Variants in ZNF33A observed in about 807,000 individuals in gnomAD.
The protein encoded by ZNF33A is zinc finger protein 33A.
A neutral mutation model predicts 15.9 loss-of-function variants in ZNF33A; 9 were observed. The ratio of observed to expected loss-of-function variants is 0.57; its 90% CI spans 0.34 to 0.99. ZNF33A has a LOEUF of 0.99. Ranked by LOEUF, ZNF33A falls within the 50% of genes least tolerant of loss-of-function variation. The pLI, the probability that ZNF33A is intolerant of heterozygous loss-of-function variation, is 0.02. For synonymous variants in ZNF33A, 294 were observed against 324.2 expected (o/e 0.91, Z 1.00); for missense variants, 843 against 941.6 (o/e 0.90, Z 1.37).
At chr10:38,014,965 C>T (rs1442317664) in intron 2 of ZNF33A, among the ~76,000 whole-genome samples, 4 of 152,010 alleles carry the variant, frequency 2.6e-5, no homozygotes, top group Non-Finnish European at 5.9e-5. Context: ...CTCCACCTCC[C>T]GGGTTCAAGT....
rs1198189801 is a variant in ZNF33A, at chr10:38,039,683, T to TA, written c.251-14691dup. On this transcript the variant is annotated intron_variant, in intron 4 of 4. Transcript: ENST00000432900. The stretch of plus-strand genomic sequence containing the variant: ...ATAATTTGTTGGCATACATTGTTCA[T>TA]ACCATTCTTTGTAATTATTTTTATT... The TA allele has an allele frequency of 4.4e-5, 18 of 409,064 alleles. No individual in the cohort carries two copies. In the East Asian group the frequency reaches 1.3e-3, roughly 29 times the overall value. 25.3% of individuals were successfully genotyped at this position (409,064 alleles called of 1,614,324 possible).
At chr10:38,015,840 A>T in intron 2 of ZNF33A, 1 of 428,176 alleles carries the variant, frequency 2.3e-6, no homozygotes, top group Non-Finnish European at 3.9e-6. Context: ...GGTTTCTTCT[A>T]CAGTAGTTTA....
Position 38,056,192 on chromosome 10 carries a change from G to T in ZNF33A, c.2068G>T (p.Glu690Ter). 1 of 1,614,084 alleles carries T rather than the reference G, an allele frequency of 6.2e-7. No homozygotes were observed. Among genetic ancestry groups the T allele is most frequent in the African/African-American group, 1.3e-5 (1 of 75,036 alleles). Reference protein sequence around the residue: ...LIFHERKHTGEKPYECNECGK... With the variant: ...LIFHERKHTG ...TTTCCATGAGAGAAAGCACACGGGG[G>T]AGAAACCCTATGAATGCAATGAATG... Residue 690 changes from glutamate (E) to a stop codon, truncating the protein, a stop_gained, in exon 5 of 5, where the codon GAG (glutamate) becomes TAG (stop). Coordinates refer to ENST00000432900, the MANE Select transcript of ZNF33A (RefSeq NM_006954.2). LOFTEE classifies it low-confidence loss of function (END_TRUNC).
chr10:38,054,697 T>C lies in ZNF33A; in HGVS notation c.573T>C (p.Asn191=). Residue 191 remains asparagine (N), a synonymous_variant, in exon 5 of 5, where the codon AAT becomes AAC. Transcript: ENST00000432900. ...ATGAAACTCATACTCAAGAGAAAAA[T>C]GAAGTTTTGAAAAATAGGAACACAC... ...KHDETHTQEK[N]EVLKNRNTLS... is the part of the protein sequence containing the mutation. 3 of 1,613,682 alleles carry C rather than the reference T, an allele frequency of 1.9e-6. No individual in the cohort carries two copies. The highest frequency in any genetic ancestry group is 2.5e-6 in the Non-Finnish European group (3 of 1,179,928).
chr10:38,057,985 T>C lies in ZNF33A; in HGVS notation c.*1425T>C, dbSNP rs1317222961. On this transcript the variant is annotated 3_prime_UTR_variant, in exon 5 of 5. Coordinates refer to ENST00000432900, the MANE Select transcript of ZNF33A (RefSeq NM_006954.2). ...AATCAAGCTGGTGTGGGGCTTTTAT[T>C]GATAGTGTGAAGATTGTACACTATA... 1 of 985,268 alleles carries C rather than the reference T, an allele frequency of 1.0e-6. No individual in the cohort carries two copies. The highest frequency in any genetic ancestry group is 1.7e-5 in the African/African-American group (1 of 57,234). 61.0% of individuals were successfully genotyped at this position (985,268 alleles called of 1,614,324 possible).
intron 4 of ZNF33A, among the ~76,000 whole-genome samples, chr10:38,019,175 C>T (rs1392089483): frequency 6.6e-6 from 1 of 151,588 alleles, no homozygotes; most frequent in African/African-American, 2.4e-5. Flanking sequence ...GTGATGTTCC[C>T]CTTCCTGTGT....
At chr10:38,021,296 A>G (rs1030890666) in intron 4 of ZNF33A, among the ~76,000 whole-genome samples, 1 of 152,228 alleles carries the variant, frequency 6.6e-6, no homozygotes, top group African/African-American at 2.4e-5. Context: ...ATGATCCTAA[A>G]TGTGTCTCTA....
At chr10:38,038,332 C>T (rs1390907588) in intron 4 of ZNF33A, among the ~76,000 whole-genome samples, 1 of 152,056 alleles carries the variant, frequency 6.6e-6, no homozygotes, top group Non-Finnish European at 1.5e-5. Context: ...AACCTCCTGA[C>T]GTCAGGTGAT....
chr10:38,043,724 C>T (rs1486595129), intron 4 of ZNF33A: 1 of 152,088 alleles, frequency 6.6e-6, no homozygotes, highest in Non-Finnish European at 1.5e-5. Flanking sequence ...ATCCTGCCTC[C>T]TTCTGGCCTC....
chr10:38,053,615 A>T lies in ZNF33A; in HGVS notation c.251-760A>T, dbSNP rs367895363. On this transcript the variant is annotated intron_variant, in intron 4 of 4. Coordinates refer to ENST00000432900, the MANE Select transcript of ZNF33A (RefSeq NM_006954.2). ...ATAAGGAATGTCTTTAATAAGTCTTAATAAGACTTGAATTACAAGTCTTAT... is the reference window on the plus strand; with the variant it reads ...ATAAGGAATGTCTTTAATAAGTCTTTATAAGACTTGAATTACAAGTCTTAT... Among the ~76,000 whole-genome samples, 30 of 152,248 alleles carry T rather than the reference A, an allele frequency of 2.0e-4. No individual in the cohort carries two copies. The South Asian group carries it at 6.2e-3, about 32-fold the overall frequency.
chr10:38,014,891 C>T (rs1042286451), intron 2 of ZNF33A, among the ~76,000 whole-genome samples: 1 of 151,986 alleles, frequency 6.6e-6, no homozygotes, highest in African/African-American at 2.4e-5. Context: ...GAATTACTTA[C>T]CTTTTTTTTT....
At chr10:38,033,770 G>A (rs1222549505) in intron 4 of ZNF33A, among the ~76,000 whole-genome samples, 1 of 151,584 alleles carries the variant, frequency 6.6e-6, no homozygotes, top group Non-Finnish European at 1.5e-5. Flanking sequence ...CTGGAGTGCG[G>A]TGGTGGGATC....
chr10:38,010,596 TA>T (rs761546753), upstream of ZNF33A: 3 of 1,031,258 alleles, frequency 2.9e-6, no homozygotes, highest in Non-Finnish European at 4.5e-6. Flanking sequence ...ACGGGAAAGG[TA>T]GTTTCCAGGT....
chr10:38,017,673 TC>T (rs2064525994), intron 4 of ZNF33A: 1 of 233,664 alleles, frequency 4.3e-6, no homozygotes, highest in Non-Finnish European at 8.3e-6. Flanking sequence ...TTATCATTTT[TC>T]TCCAAGCACT....
At position 38,059,374 on chromosome 10, in the gene ZNF33A, AAAG is replaced by A. The variant is rs1352969608; in HGVS notation, c.*2817_*2819del. ...GCTATATAATGCAGTGTTAAAAAAA[AAAG>A]AAATAAAATGCACATAGATTTGAAA... On this transcript the variant is annotated 3_prime_UTR_variant, in exon 5 of 5. Coordinates refer to ENST00000432900, the MANE Select transcript of ZNF33A (RefSeq NM_006954.2). 2.6e-5 allele frequency: 4 copies of A among 152,380 alleles called. No homozygotes were observed. Among genetic ancestry groups the A allele is most frequent in the Admixed American group, 1.3e-4 (2 of 15,308 alleles). The allele number at this position is 152,380 out of a possible 1,614,324, so 9.4% of individuals were successfully genotyped here.
Position 38,054,733 on chromosome 10 carries a change from T to C in ZNF33A, c.609T>C (p.His203=). ...VLKNRNTLSH[H]EETLQHEKIQ... Reference sequence around the variant, plus strand: ...AAAATAGGAACACACTGAGTCATCATGAGGAGACTTTGCAGCATGAGAAGA... The same window carrying C: ...AAAATAGGAACACACTGAGTCATCACGAGGAGACTTTGCAGCATGAGAAGA... The change falls in exon 5 of 5, where the codon CAT becomes CAC. Residue 203 remains histidine (H), a synonymous_variant. Transcript: ENST00000432900. The C allele has an allele frequency of 6.2e-7, 1 of 1,613,800 alleles. No individual in the cohort carries two copies. The highest frequency in any genetic ancestry group is 1.1e-5 in the South Asian group (1 of 91,022).
chr10:38,043,676 CA>C (rs1288025899), intron 4 of ZNF33A, among the ~76,000 whole-genome samples: 169 of 147,398 alleles, frequency 1.1e-3, no homozygotes, highest in African/African-American at 3.8e-3. Flanking sequence ...TATTTCATTG[CA>C]AAAAAAAAAA....
intron 1 of ZNF33A, among the ~76,000 whole-genome samples, chr10:38,011,355 C>T (rs562535050): frequency 3.4e-4 from 52 of 152,228 alleles, no homozygotes; most frequent in Non-Finnish European, 6.2e-4. Flanking sequence ...GAGGCCGAGG[C>T]GGGTGGATCA....
chr10:38,051,387 A>T (rs535485201), intron 4 of ZNF33A, among the ~76,000 whole-genome samples: 20 of 152,324 alleles, frequency 1.3e-4, no homozygotes, highest in Admixed American at 1.0e-3. Context: ...ACGTATAAAG[A>T]ACCAACAGGT....
Sources: allele counts gnomAD v4.1 joint callset (sites outside exome capture counted in the v4.1 genomes callset), GRCh38; gene constraint gnomAD v4.1.1; transcripts MANE v1.5; gene names NCBI Gene and HGNC (gene_info 2026-07-23, HGNC 2026-07-21).